GLT6D1: variants seen among roughly 807,000 people sequenced by gnomAD.
GLT6D1 encodes the protein glycosyltransferase 6 domain containing 1.
GLT6D1 carries 9 observed loss-of-function variants against 12.3 expected under a neutral mutation model. The observed-to-expected ratio is 0.73, with a 90% CI of 0.44 to 1.27. The LOEUF (loss-of-function observed/expected upper bound fraction) is 1.27. Ranked by LOEUF, GLT6D1 falls within the 50% of genes most tolerant of loss-of-function variation. The pLI is 0.00. For missense variants in GLT6D1, 335 were observed against 346.2 expected (o/e 0.97, Z 0.26); for synonymous variants, 128 against 132.3 (o/e 0.97, Z 0.23).
chr9:135,636,293 G>A (rs1564278023), intron 2 of GLT6D1, among the ~76,000 whole-genome samples: 1 of 152,228 alleles, frequency 6.6e-6, no homozygotes, highest in Non-Finnish European at 1.5e-5. Context: ...GGCAGAAGTT[G>A]TGGTGAGTTG....
Position 135,624,639 on chromosome 9 carries a change from G to A in GLT6D1, c.289C>T (p.His97Tyr). 1 of 1,598,944 alleles carries A rather than the reference G, an allele frequency of 6.3e-7. No homozygotes were observed. The highest frequency in any genetic ancestry group is 8.5e-7 in the Non-Finnish European group (1 of 1,170,700). Residue 97 changes from histidine to tyrosine, a missense_variant, in exon 5 of 5, where the codon CAC (histidine) becomes TAC (tyrosine). By Grantham distance (83) the His-to-Tyr change is moderately conservative (BLOSUM62 2). Coordinates refer to ENST00000371763, the MANE Select transcript of GLT6D1 (RefSeq NM_182974.3). Reference sequence around the variant, plus strand: ...GTCATGAAGTGCTTATTTGCGGAGTGTAGGAACGGCCTCAGGTACTCCTCT... The same window carrying A: ...GTCATGAAGTGCTTATTTGCGGAGTATAGGAACGGCCTCAGGTACTCCTCT... Reference protein sequence around the residue: ...FAEEYLRPFLHSANKHFMTGY... With the variant: ...FAEEYLRPFLYSANKHFMTGY...
intron 2 of GLT6D1, among the ~76,000 whole-genome samples, chr9:135,637,422 C>T (rs534531329): frequency 1.3e-4 from 19 of 151,846 alleles, no homozygotes; most frequent in African/African-American, 4.6e-4. Context: ...CACAGTTGCT[C>T]TGTGGCATGA....
At position 135,624,174 on chromosome 9, in the gene GLT6D1, GA is replaced by G; in HGVS notation, c.753del (p.His252MetfsTer67). The G allele has an allele frequency of 1.2e-6, 2 of 1,613,080 alleles. No individual in the cohort carries two copies. Among genetic ancestry groups the G allele is most frequent in the Non-Finnish European group, 1.7e-6 (2 of 1,179,650 alleles). On this transcript the variant is annotated frameshift_variant, in exon 5 of 5. Coordinates refer to ENST00000371763, the MANE Select transcript of GLT6D1 (RefSeq NM_182974.3). LOFTEE classifies it low-confidence loss of function (END_TRUNC). Reference sequence around the variant, plus strand: ...CTATTGAGTCCATTTTTGATGTCATGAATAACTCCGTTCAGATATTCTTTGA... The same window carrying G: ...CTATTGAGTCCATTTTTGATGTCATGATAACTCCGTTCAGATATTCTTTGA... ...DFIKEYLNGV[I>X]HDIKNGLNST... is the part of the protein sequence containing the mutation.
chr9:135,629,716 C>T (rs1833594024), intron 3 of GLT6D1, among the ~76,000 whole-genome samples: 1 of 152,158 alleles, frequency 6.6e-6, no homozygotes, highest in African/African-American at 2.4e-5. Flanking sequence ...GTTGAATTGT[C>T]AATTTCTCCC....
At chr9:135,625,924 G>A in intron 4 of GLT6D1, 145 bp downstream of exon 4, 1 of 871,486 alleles carries the variant, frequency 1.1e-6, no homozygotes, top group Non-Finnish European at 1.8e-6. Flanking sequence ...GGTTTGGACA[G>A]GTAAGTTTGT....
At chr9:135,634,867 G>A (rs1833736262) in intron 2 of GLT6D1, among the ~76,000 whole-genome samples, 1 of 152,094 alleles carries the variant, frequency 6.6e-6, no homozygotes, top group African/African-American at 2.4e-5. Flanking sequence ...TCCTATTGAT[G>A]CTGACCTTGT....
At chr9:135,628,562 C>T (rs1833568537) in intron 3 of GLT6D1, among the ~76,000 whole-genome samples, 1 of 151,836 alleles carries the variant, frequency 6.6e-6, no homozygotes, top group African/African-American at 2.4e-5. Flanking sequence ...CTTGTGATAC[C>T]TTTGTCTGGT....
intron 4 of GLT6D1, among the ~76,000 whole-genome samples, chr9:135,625,208 G>T (rs1443089179): frequency 6.6e-6 from 1 of 152,146 alleles, no homozygotes; most frequent in Non-Finnish European, 1.5e-5. Context: ...TGGAGGGCCT[G>T]AGAAAAGCCA....
rs1214835427 is a variant in GLT6D1 at position 135,637,568 on chromosome 9, G to C, written c.71+1549C>G. ...ACCAGAAGCTGGTTTTCAGATTTTA[G>C]ATTTTTGGGTGTTAGCCGTTCTAAT... On this transcript the variant is annotated intron_variant, in intron 2 of 4. Coordinates refer to ENST00000371763, the MANE Select transcript of GLT6D1 (RefSeq NM_182974.3). 5.3e-5 allele frequency among the ~76,000 whole-genome samples: 8 copies of C among 152,028 alleles called. 1 individual carries two copies. The highest frequency in any genetic ancestry group is 1.9e-4 in the African/African-American group (8 of 41,450).
At position 135,624,026 on chromosome 9, in the gene GLT6D1, G is replaced by A. The variant is rs144246886; in HGVS notation, c.*71C>T. On this transcript the variant is annotated 3_prime_UTR_variant, in exon 5 of 5. Coordinates refer to ENST00000371763, the MANE Select transcript of GLT6D1 (RefSeq NM_182974.3). ...TCATAATTTCCTCTGGGAATCATGTGCGACCTTGACGTATTGGATCTGTGG... is the reference window on the plus strand; with the variant it reads ...TCATAATTTCCTCTGGGAATCATGTACGACCTTGACGTATTGGATCTGTGG... The A allele has an allele frequency of 1.1e-6, 1 of 909,348 alleles. No individual in the cohort carries two copies. The allele number at this position is 909,348 out of a possible 1,614,324, so 56.3% of individuals were successfully genotyped here.
Position 135,624,188 on chromosome 9 carries a change from A to G in GLT6D1, c.740T>C (p.Leu247Pro), listed in dbSNP as rs1247626353. 7.4e-6 allele frequency: 12 copies of G among 1,612,344 alleles called. No homozygotes were observed. The highest frequency in any genetic ancestry group is 1.0e-5 in the Non-Finnish European group (12 of 1,179,510). The change falls in exon 5 of 5, where the codon CTG becomes CCG. Residue 247 changes from leucine to proline, a missense_variant. Transcript: ENST00000371763. ...TTTGATGTCATGAATAACTCCGTTC[A>G]GATATTCTTTGATGAAGTCTAAAAT... ...HNILDFIKEY[L>P]NGVIHDIKNG...
intron 2 of GLT6D1, among the ~76,000 whole-genome samples, chr9:135,637,335 A>G (rs1426211434): frequency 6.7e-6 from 1 of 149,916 alleles, no homozygotes; most frequent in Non-Finnish European, 1.5e-5. Flanking sequence ...GCATTTATGA[A>G]TAGAGTTTCT....
In GLT6D1 at chr9:135,623,996, G is replaced by A. The variant is rs369836276; in HGVS notation, c.*101C>T. On this transcript the variant is annotated 3_prime_UTR_variant, in exon 5 of 5. Transcript: ENST00000371763. ...ATTTATTCGTCATAAACCTCATGGC[G>A]TAATTCATAATTTCCTCTGGGAATC... 110 of 751,112 alleles carry A rather than the reference G, an allele frequency of 1.5e-4. 1 individual carries two copies. The highest frequency in any genetic ancestry group is 1.2e-3 in the African/African-American group (66 of 56,722). The allele number at this position is 751,112 out of a possible 1,614,324, so 46.5% of individuals were successfully genotyped here.
At chr9:135,625,977 T>G (rs1161866253) in intron 4 of GLT6D1, 92 bp downstream of exon 4, 19 of 1,408,460 alleles carry the variant, frequency 1.3e-5, no homozygotes, top group Non-Finnish European at 1.7e-5. Flanking sequence ...TAATTATGCT[T>G]AATTATGGTT....
chr9:135,628,220 T>A (rs1833561167), intron 3 of GLT6D1, among the ~76,000 whole-genome samples: 1 of 152,132 alleles, frequency 6.6e-6, no homozygotes. Flanking sequence ...TTATTGTTGT[T>A]GTACTTTTGA....
chr9:135,635,359 T>C (rs572019898), intron 2 of GLT6D1, among the ~76,000 whole-genome samples: 2 of 152,326 alleles, frequency 1.3e-5, no homozygotes, highest in South Asian at 4.1e-4. Context: ...TATGAGATGC[T>C]CTGGGCTCAT....
At chr9:135,631,829 T>C (rs966521586) in intron 2 of GLT6D1, among the ~76,000 whole-genome samples, 1 of 152,236 alleles carries the variant, frequency 6.6e-6, no homozygotes, top group African/African-American at 2.4e-5. Flanking sequence ...TTAGTGGTTC[T>C]GCTCTATGTT....
At chr9:135,637,707 T>C (rs1402387894) in intron 2 of GLT6D1, among the ~76,000 whole-genome samples, 1 of 152,242 alleles carries the variant, frequency 6.6e-6, no homozygotes, top group Non-Finnish European at 1.5e-5. Context: ...TGAGATTCTA[T>C]TCAGTTCTTT....
chr9:135,629,191 AC>A (rs920079449), intron 3 of GLT6D1, among the ~76,000 whole-genome samples: 55 of 152,110 alleles, frequency 3.6e-4, no homozygotes, highest in African/African-American at 1.1e-3. Flanking sequence ...CCTCATCTCT[AC>A]AAAAAAATTC....
Sources: allele counts gnomAD v4.1 joint callset (sites outside exome capture counted in the v4.1 genomes callset), GRCh38; gene constraint gnomAD v4.1.1; transcripts MANE v1.5; gene names NCBI Gene and HGNC (gene_info 2026-07-23, HGNC 2026-07-21).